Variants in EPHX1 observed in about 807,000 individuals in gnomAD.
The protein encoded by EPHX1 is epoxide hydratase.
Under a neutral mutation model 43.2 loss-of-function variants are expected in EPHX1, and 40 were observed. The observed-to-expected ratio is 0.93, with a 90% CI of 0.72 to 1.21. EPHX1 has a LOEUF of 1.21. EPHX1 is among the 50% of genes most tolerant of loss of function. EPHX1 has a pLI of 0.00. For missense variants in EPHX1, 550 were observed against 570.4 expected (o/e 0.96, Z 0.36); for synonymous variants, 221 against 226.7 (o/e 0.98, Z 0.22).
At chr1:225,838,374 A>G (rs1452439981) in intron 3 of EPHX1, among the ~76,000 whole-genome samples, 2 of 152,158 alleles carry the variant, frequency 1.3e-5, no homozygotes, top group Non-Finnish European at 2.9e-5. Context: ...GGCTGTACAG[A>G]CCTGGCCCAG....
chr1:225,818,998 C>T (rs12723313), intron 1 of EPHX1, among the ~76,000 whole-genome samples: 74,871 of 119,744 alleles, frequency 0.63, 23,648 homozygotes, highest in East Asian at 0.75. Context: ...GAGGCGGAGG[C>T]GGGCGGATCA....
rs988658186 is a variant in EPHX1, at chr1:225,824,646, C to T, written c.-5-4079C>T. 3.3e-5 allele frequency among the ~76,000 whole-genome samples: 5 copies of T among 152,208 alleles called. No homozygotes were observed. The East Asian group carries it at 5.8e-4, about 18-fold the overall frequency. On this transcript the variant is annotated intron_variant, in intron 1 of 8. Coordinates refer to ENST00000272167, the MANE Select transcript of EPHX1 (RefSeq NM_001136018.4). Reference sequence around the variant, plus strand: ...AAGGTTTGAGGCTCAGTCAAGAGGGCGCCACTCTGCCTGGCCAGCTCTCCG... The same window carrying T: ...AAGGTTTGAGGCTCAGTCAAGAGGGTGCCACTCTGCCTGGCCAGCTCTCCG...
chr1:225,840,099 G>C (rs1269385899), intron 6 of EPHX1, 62 bp downstream of exon 6: 17 of 1,551,372 alleles, frequency 1.1e-5, no homozygotes, highest in Non-Finnish European at 8.8e-7. Context: ...GACACCCGCG[G>C]GGTAACCTCA....
chr1:225,836,922 T>C (rs1039389579), intron 3 of EPHX1, among the ~76,000 whole-genome samples: 1 of 152,242 alleles, frequency 6.6e-6, no homozygotes, highest in Non-Finnish European at 1.5e-5. Context: ...GTAGGACCCA[T>C]ATTAAGTGTT....
chr1:225,815,813 G>T, intron 1 of EPHX1, among the ~76,000 whole-genome samples: 1 of 152,210 alleles, frequency 6.6e-6, no homozygotes, highest in East Asian at 1.9e-4. Flanking sequence ...GGCTTTCAGT[G>T]CTCTCCTGTT....
In EPHX1 at chr1:225,845,550, A is replaced by G. The variant is rs1052672160; in HGVS notation, c.*203A>G. 6 of 617,992 alleles carry G rather than the reference A, an allele frequency of 9.7e-6. No individual in the cohort carries two copies. The highest frequency in any genetic ancestry group is 2.9e-5 in the Admixed American group (1 of 34,692). The allele number at this position is 617,992 out of a possible 1,614,324, so 38.3% of individuals were successfully genotyped here. On this transcript the variant is annotated 3_prime_UTR_variant, in exon 9 of 9. Coordinates refer to ENST00000272167, the MANE Select transcript of EPHX1 (RefSeq NM_001136018.4). ...AGCAACATGGCTTTGATGATAAACG[A>G]CTTTACTCTAAAAGCGGCTGGAACT...
chr1:225,840,884 A>C (rs1668341448), intron 6 of EPHX1: 2 of 152,248 alleles, frequency 1.3e-5, no homozygotes, highest in Non-Finnish European at 2.9e-5. Context: ...GGCAGCTCAT[A>C]ATCATAATAA....
At chr1:225,833,195 G>A (rs986602285) in intron 3 of EPHX1, among the ~76,000 whole-genome samples, 1 of 152,168 alleles carries the variant, frequency 6.6e-6, no homozygotes, top group Admixed American at 6.5e-5. Context: ...GTACATGTTA[G>A]GAATCTTATT....
In EPHX1 at chr1:225,821,331, G is replaced by A. The variant is rs191752649; in HGVS notation, c.-5-7394G>A. Among the ~76,000 whole-genome samples the A allele has an allele frequency of 8.9e-4, 135 of 151,650 alleles. 1 individual carries two copies. Among genetic ancestry groups the A allele is most frequent in the African/African-American group, 2.8e-3 (117 of 41,328 alleles). On this transcript the variant is annotated intron_variant, in intron 1 of 8. Coordinates refer to ENST00000272167, the MANE Select transcript of EPHX1 (RefSeq NM_001136018.4). ...GCAATCTCGGCTCACTGCAACCTCCGCCTACCCAGGTTCAAGCGATTCTTC... is the reference window on the plus strand; with the variant it reads ...GCAATCTCGGCTCACTGCAACCTCCACCTACCCAGGTTCAAGCGATTCTTC...
chr1:225,839,754 T>TCA, intron 5 of EPHX1, 75 bp from the exon 6 acceptor site: 1 of 1,490,258 alleles, frequency 6.7e-7, no homozygotes, highest in East Asian at 2.3e-5. Context: ...TGAGGCCTGT[T>TCA]CCTCCGCCAT....
At chr1:225,812,425 T>G (rs1368781708) in intron 1 of EPHX1, among the ~76,000 whole-genome samples, 1 of 152,182 alleles carries the variant, frequency 6.6e-6, no homozygotes, top group African/African-American at 2.4e-5. Flanking sequence ...AAGCCCTGAA[T>G]GAGGGCTCTG....
intron 1 of EPHX1, among the ~76,000 whole-genome samples, chr1:225,816,667 C>G (rs918200499): frequency 6.6e-6 from 1 of 152,206 alleles, no homozygotes; most frequent in African/African-American, 2.4e-5. Context: ...GCCAGCCCAC[C>G]CGCGTGGCCT....
At chr1:225,840,091 C>T in intron 6 of EPHX1, 54 bp downstream of exon 6, 5 of 1,584,330 alleles carry the variant, frequency 3.2e-6, no homozygotes, top group Middle Eastern at 2.1e-4. Flanking sequence ...GGCAGGGAGA[C>T]ACCCGCGGGG....
At chr1:225,820,600 G>A (rs1299499465) in intron 1 of EPHX1, among the ~76,000 whole-genome samples, 1 of 152,128 alleles carries the variant, frequency 6.6e-6, no homozygotes, top group East Asian at 1.9e-4. Context: ...AGACTCTTGT[G>A]TTTTTTCATT....
At chr1:225,823,404 G>A (rs891531696) in intron 1 of EPHX1, among the ~76,000 whole-genome samples, 2 of 152,186 alleles carry the variant, frequency 1.3e-5, no homozygotes, top group African/African-American at 4.8e-5. Flanking sequence ...CTGTTTTGCA[G>A]GGAGCCATGG....
chr1:225,839,716 G>T, intron 5 of EPHX1, 113 bp from the exon 6 acceptor site: 1 of 1,177,004 alleles, frequency 8.5e-7, no homozygotes, highest in Admixed American at 1.7e-5. Flanking sequence ...TGCTGAAAGA[G>T]GCTGGCTCTG....
intron 2 of EPHX1, among the ~76,000 whole-genome samples, chr1:225,829,882 T>A (rs1667480751): frequency 6.6e-6 from 1 of 152,136 alleles, no homozygotes; most frequent in Non-Finnish European, 1.5e-5. Context: ...AAGACCAGCC[T>A]GGCCAACATC....
At chr1:225,840,995 A>G (rs1036404587) in intron 6 of EPHX1, 5 of 152,238 alleles carry the variant, frequency 3.3e-5, no homozygotes, top group Non-Finnish European at 7.3e-5. Context: ...ACAATCTCAT[A>G]TAACCTCTTC....
chr1:225,826,972 T>C (rs1447125681), intron 1 of EPHX1, among the ~76,000 whole-genome samples: 4 of 152,098 alleles, frequency 2.6e-5, no homozygotes, highest in Non-Finnish European at 5.9e-5. Flanking sequence ...TTTTCCTGAT[T>C]AGATTTCCTA....
Sources: allele counts gnomAD v4.1 joint callset (sites outside exome capture counted in the v4.1 genomes callset), GRCh38; gene constraint gnomAD v4.1.1; transcripts MANE v1.5; gene names NCBI Gene and HGNC (gene_info 2026-07-23, HGNC 2026-07-21).